USP9X: variants seen among roughly 807,000 people sequenced by gnomAD.
USP9X encodes ubiquitin carboxyl-terminal hydrolase 9X.
A neutral mutation model predicts 190.3 loss-of-function variants in USP9X; 7 were observed. The observed-to-expected ratio is 0.04, with a 90% CI of 0.02 to 0.07. The LOEUF is 0.07. USP9X is among the 10% of genes least tolerant of loss of function. The pLI, the probability that USP9X is intolerant of heterozygous loss-of-function variation, is 1.00. For synonymous variants in USP9X, 645 were observed against 659.5 expected (o/e 0.98, Z 0.34); for missense variants, 1,010 against 1,916.9 (o/e 0.53, Z 8.83).
At chrX:41,088,269 C>T (rs2061928086) in intron 1 of USP9X, among the ~76,000 whole-genome samples, 1 of 112,458 alleles carries the variant, frequency 8.9e-6, no homozygotes, top group South Asian at 3.6e-4. Context: ...CTATGGAATG[C>T]TCAAGTAGGA....
intron 4 of USP9X, among the ~76,000 whole-genome samples, chrX:41,132,397 C>T (rs1336949665): frequency 8.6e-5 from 9 of 104,238 alleles, no homozygotes; most frequent in African/African-American, 2.5e-4. Flanking sequence ...TCCACCTCCC[C>T]GGTTCAAGCG....
chrX:41,158,715 A>G (rs1024171252), intron 14 of USP9X, among the ~76,000 whole-genome samples: 2 of 110,766 alleles, frequency 1.8e-5, no homozygotes, highest in African/African-American at 6.6e-5. Flanking sequence ...TGTGGAAGAC[A>G]GTTTTTCCAC....
At chrX:41,136,471 G>T (rs1266800529) in intron 5 of USP9X, among the ~76,000 whole-genome samples, 1 of 112,520 alleles carries the variant, frequency 8.9e-6, no homozygotes, top group East Asian at 2.8e-4. Flanking sequence ...CTGACATACT[G>T]TTTAGACTCT....
chrX:41,174,761 G>A (rs950297840), intron 21 of USP9X, among the ~76,000 whole-genome samples: 6 of 111,654 alleles, frequency 5.4e-5, no homozygotes, highest in African/African-American at 2.0e-4. Context: ...TTGGGAGGCC[G>A]AGGTGGGCAG....
chrX:41,223,589 C>G (rs959893946), intron 39 of USP9X, among the ~76,000 whole-genome samples, 187 bp downstream of exon 39: 1 of 111,143 alleles, frequency 9.0e-6, no homozygotes, highest in Non-Finnish European at 1.9e-5. Context: ...AGGTGCCCAC[C>G]ACCACGCCCG....
At chrX:41,159,741 C>T (rs1408182538) in intron 14 of USP9X, among the ~76,000 whole-genome samples, 1 of 110,612 alleles carries the variant, frequency 9.0e-6, no homozygotes, top group African/African-American at 3.3e-5. Flanking sequence ...CCAGGCTGGT[C>T]TCAAACTCCT....
At position 41,152,624 on chromosome X, in the gene USP9X, CT is replaced by C. The variant is rs766688274; in HGVS notation, c.1764-323del. Among the ~76,000 whole-genome samples the C allele has an allele frequency of 4.5e-5, 5 of 111,702 alleles. No homozygotes were observed. The Admixed American group carries it at 4.7e-4, about 11-fold the overall frequency. ...GATGCTAGTCTTGCAAAAAATGTTT[CT>C]ATTTTATAATTTTGGGAATAATTAC... On this transcript the variant is annotated intron_variant, in intron 13 of 44. Transcript: ENST00000378308.
intron 41 of USP9X, among the ~76,000 whole-genome samples, chrX:41,226,204 T>C (rs1182717260): frequency 8.9e-6 from 1 of 112,471 alleles, no homozygotes; most frequent in Non-Finnish European, 1.9e-5. Flanking sequence ...ATGAGAACTT[T>C]TAGAATGTTA....
At chrX:41,098,597 G>T (rs1049853445) in intron 1 of USP9X, among the ~76,000 whole-genome samples, 14 of 110,190 alleles carry the variant, frequency 1.3e-4, no homozygotes, top group Non-Finnish European at 2.5e-4. Flanking sequence ...TTGCTCTGTT[G>T]CCCAGGCTGG....
chrX:41,216,795 C>A (rs2063216146), intron 35 of USP9X, 143 bp downstream of exon 35: 1 of 726,205 alleles, frequency 1.4e-6, no homozygotes. Context: ...GTAATCCCAG[C>A]ACTTTGGGAG....
chrX:41,161,033 T>C (rs1246336448), intron 14 of USP9X, among the ~76,000 whole-genome samples: 1 of 111,116 alleles, frequency 9.0e-6, no homozygotes, highest in Non-Finnish European at 1.9e-5. Context: ...TAACCTATAG[T>C]GCAGTCCTAG....
intron 21 of USP9X, among the ~76,000 whole-genome samples, chrX:41,176,027 A>T (rs1233991879): frequency 9.0e-6 from 1 of 111,078 alleles, no homozygotes; most frequent in Non-Finnish European, 1.9e-5. Context: ...AGTAGCTGGG[A>T]TTACAGGCGT....
intron 30 of USP9X, among the ~76,000 whole-genome samples, chrX:41,199,847 C>G (rs1381429096): frequency 9.0e-6 from 1 of 111,560 alleles, no homozygotes; most frequent in African/African-American, 3.3e-5. Flanking sequence ...TGAGAAGTTA[C>G]CATTTTGGTG....
At chrX:41,202,466 C>G (rs183832610) in intron 31 of USP9X, among the ~76,000 whole-genome samples, 1 of 112,212 alleles carries the variant, frequency 8.9e-6, no homozygotes, top group South Asian at 3.7e-4. Context: ...ATAGTGGGAA[C>G]TGAAGAGAGA....
chrX:41,188,257 T>C, intron 25 of USP9X, 140 bp downstream of exon 25: 1 of 646,740 alleles, frequency 1.5e-6, no homozygotes, highest in Non-Finnish European at 2.2e-6. Flanking sequence ...GATAGCTATG[T>C]TGAGAATATG....
In USP9X at chrX:41,233,451, A is replaced by C. The variant is rs1346263716; in HGVS notation, c.*927A>C. 1 of 112,602 alleles carries C rather than the reference A, an allele frequency of 8.9e-6. No individual in the cohort carries two copies. The highest frequency in any genetic ancestry group is 1.9e-5 in the Non-Finnish European group (1 of 53,340). The allele number at this position is 112,602 out of a possible 1,213,427, so 9.3% of individuals were successfully genotyped here. On this transcript the variant is annotated 3_prime_UTR_variant, in exon 45 of 45. Transcript: ENST00000378308. ...AAAGATTTAAAACAAATATGCAAAAATTTGCTATGCCAAGATGCTGGAGCA... is the reference window on the plus strand; with the variant it reads ...AAAGATTTAAAACAAATATGCAAAACTTTGCTATGCCAAGATGCTGGAGCA...
chrX:41,156,978 A>G (rs2062584565), intron 14 of USP9X, among the ~76,000 whole-genome samples: 1 of 111,912 alleles, frequency 8.9e-6, no homozygotes, highest in Non-Finnish European at 1.9e-5. Flanking sequence ...GATCACAGTC[A>G]ACCCTGGGGG....
chrX:41,188,948 A>G (rs1444792463), intron 25 of USP9X, among the ~76,000 whole-genome samples: 2 of 112,218 alleles, frequency 1.8e-5, no homozygotes, highest in South Asian at 3.7e-4. Flanking sequence ...ACAATAGGCA[A>G]GCAACATAAT....
intron 14 of USP9X, among the ~76,000 whole-genome samples, chrX:41,162,114 G>A (rs1420448015): frequency 1.8e-5 from 2 of 111,766 alleles, no homozygotes; most frequent in African/African-American, 6.5e-5. Context: ...TAACACATCA[G>A]GAGTTTGTTC....
Sources: gnomAD v4.1 joint callset for allele counts (sites outside exome capture counted in the v4.1 genomes callset) on GRCh38, gnomAD v4.1.1 for gene constraint, MANE v1.5 for transcripts, NCBI Gene and HGNC (gene_info 2026-07-23, HGNC 2026-07-21) for gene names.